The following BRD10 variants were observed in gnomAD, a reference collection of about 807,000 sequenced individuals.
BRD10 encodes uncharacterized bromodomain-containing protein 10.
At chr9:5,926,482 A>G in the BRD10 span, among the ~76,000 whole-genome samples, 1 of 151,744 alleles carries the variant, frequency 6.6e-6, no homozygotes, top group Non-Finnish European at 1.5e-5. Context: ...TAATGTTTGT[A>G]TTTTTTGTAC....
the BRD10 span, among the ~76,000 whole-genome samples, chr9:5,994,268 T>C: frequency 4.6e-5 from 7 of 152,196 alleles, no homozygotes; most frequent in African/African-American, 1.7e-4. Flanking sequence ...AATAGTAAAG[T>C]ATCCATATAT....
chr9:5,930,177 T>C, the BRD10 span, among the ~76,000 whole-genome samples: 1 of 88,990 alleles, frequency 1.1e-5, no homozygotes, highest in East Asian at 2.7e-4. Flanking sequence ...ATCCACATGT[T>C]TTCTTTCTAA....
At chr9:5,888,336 G>A in the BRD10 span, among the ~76,000 whole-genome samples, 14 of 152,202 alleles carry the variant, frequency 9.2e-5, no homozygotes, top group East Asian at 1.9e-3. Flanking sequence ...TTGCACTGTC[G>A]GACTTTGCTG....
chr9:5,976,032 G>T, the BRD10 span, among the ~76,000 whole-genome samples: 1 of 152,066 alleles, frequency 6.6e-6, no homozygotes, highest in Non-Finnish European at 1.5e-5. Flanking sequence ...TCAAGAAATA[G>T]CAACATAGCA....
At chr9:5,914,409 G>GTT in the BRD10 span, among the ~76,000 whole-genome samples, 1,819 of 106,844 alleles carry the variant, frequency 0.017, 212 homozygotes, top group Middle Eastern at 0.026. Context: ...AAATCCAGAT[G>GTT]GTTTTTTTTT....
the BRD10 span, among the ~76,000 whole-genome samples, chr9:5,956,458 T>C: frequency 6.6e-6 from 1 of 152,294 alleles, no homozygotes; most frequent in Non-Finnish European, 1.5e-5. Flanking sequence ...GTATAACAGC[T>C]ATCACATACA....
At chr9:5,998,595 A>G in the BRD10 span, among the ~76,000 whole-genome samples, 1 of 152,124 alleles carries the variant, frequency 6.6e-6, no homozygotes, top group Non-Finnish European at 1.5e-5. Context: ...AGTGCTATAT[A>G]GCAAACTCAA....
the BRD10 span, among the ~76,000 whole-genome samples, chr9:5,899,817 C>T: frequency 0.63 from 95,503 of 152,000 alleles, 31,499 homozygotes; most frequent in Non-Finnish European, 0.75. Context: ...CAGTGCCTGG[C>T]ACATGGTAGT....
At chr9:5,968,267 T>C in the BRD10 span, 1 of 1,612,614 alleles carries the variant, frequency 6.2e-7, no homozygotes, top group Admixed American at 1.7e-5. Context: ...TTTGTGGCAG[T>C]TAATTTCTGG....
the BRD10 span, chr9:5,924,568 C>T: frequency 1.5e-6 from 1 of 678,118 alleles, no homozygotes; most frequent in Admixed American, 2.9e-5. Context: ...CAATATATTT[C>T]ATTGACCATA....
the BRD10 span, among the ~76,000 whole-genome samples, chr9:5,994,812 G>C: frequency 6.6e-6 from 1 of 152,014 alleles, no homozygotes; most frequent in African/African-American, 2.4e-5. Context: ...ACCTCAGCTG[G>C]GCTCAACTGT....
At chr9:5,985,790 A>AT in the BRD10 span, among the ~76,000 whole-genome samples, 361 of 151,500 alleles carry the variant, frequency 2.4e-3, 3 homozygotes, top group Admixed American at 0.01. Context: ...CGTCTCAAAA[A>AT]AAATAAATAA....
At chr9:5,975,559 C>A in the BRD10 span, among the ~76,000 whole-genome samples, 1 of 151,012 alleles carries the variant, frequency 6.6e-6, no homozygotes, top group Non-Finnish European at 1.5e-5. Context: ...ATAAAGAAGA[C>A]CCAAACTACA....
At chr9:5,889,902 A>G in the BRD10 span, among the ~76,000 whole-genome samples, 1 of 152,220 alleles carries the variant, frequency 6.6e-6, no homozygotes, top group Non-Finnish European at 1.5e-5. Context: ...TACCTGCAAA[A>G]AGAAAATTTC....
At chr9:5,954,340 A>T in the BRD10 span, among the ~76,000 whole-genome samples, 1 of 152,226 alleles carries the variant, frequency 6.6e-6, no homozygotes. Context: ...ACCATCTCCA[A>T]TGTGTTATAC....
chr9:5,941,327 A>G, the BRD10 span, among the ~76,000 whole-genome samples: 2 of 152,146 alleles, frequency 1.3e-5, no homozygotes, highest in Non-Finnish European at 1.5e-5. Flanking sequence ...TCTGCTAACT[A>G]AAACCACAAA....
the BRD10 span, among the ~76,000 whole-genome samples, chr9:5,908,417 T>G: frequency 6.6e-6 from 1 of 152,338 alleles, no homozygotes; most frequent in South Asian, 2.1e-4. Context: ...TTTGAGATTT[T>G]GGGAACTCCT....
the BRD10 span, among the ~76,000 whole-genome samples, chr9:5,927,669 C>A: frequency 6.6e-6 from 1 of 152,146 alleles, no homozygotes; most frequent in South Asian, 2.1e-4. Flanking sequence ...CTCAACCCAT[C>A]ATGAGCAGCC....
At chr9:5,955,411 C>T in the BRD10 span, among the ~76,000 whole-genome samples, 8 of 152,124 alleles carry the variant, frequency 5.3e-5, no homozygotes, top group Admixed American at 1.3e-4. Context: ...AAAATGAATG[C>T]GTACATAAAG....
Sources: allele counts gnomAD v4.1 joint callset (sites outside exome capture counted in the v4.1 genomes callset), GRCh38; gene constraint gnomAD v4.1.1; transcripts MANE v1.5; gene names NCBI Gene and HGNC (gene_info 2026-07-23, HGNC 2026-07-21).